The following FRAS1 variants were observed in gnomAD, a reference collection of about 807,000 sequenced individuals.
FRAS1 encodes the protein extracellular matrix organizing protein FRAS1.
In FRAS1, 290 loss-of-function variants were observed where a neutral mutation model predicts 435.2. The ratio of observed to expected loss-of-function variants is 0.67; its 90% CI spans 0.61 to 0.73. FRAS1 has a LOEUF of 0.73. Among genes scored for constraint, FRAS1 ranks in the 30% least tolerant of loss-of-function variants. FRAS1 has a pLI of 0.00. For missense variants in FRAS1, 4,860 were observed against 5,001.5 expected (o/e 0.97, Z 0.85); for synonymous variants, 1,800 against 1,851.0 (o/e 0.97, Z 0.71).
At chr4:78,100,945 G>C (rs1272131343) in intron 2 of FRAS1, among the ~76,000 whole-genome samples, 3 of 152,160 alleles carry the variant, frequency 2.0e-5, no homozygotes, top group African/African-American at 7.2e-5. Context: ...CCTTATGCTA[G>C]TGCAAGTCTA....
chr4:78,335,996 TA>T (rs999795506), intron 19 of FRAS1, among the ~76,000 whole-genome samples: 1 of 151,928 alleles, frequency 6.6e-6, no homozygotes. Context: ...GGCCTGCTGA[TA>T]GGAAAAAGCC....
chr4:78,307,557 G>A (rs1728822267), intron 14 of FRAS1, among the ~76,000 whole-genome samples: 1 of 152,224 alleles, frequency 6.6e-6, no homozygotes, highest in East Asian at 1.9e-4. Flanking sequence ...TAATCTCCTG[G>A]TGCGCCGTTT....
chr4:78,407,420 A>G (rs1358821991), intron 30 of FRAS1, among the ~76,000 whole-genome samples: 2 of 152,228 alleles, frequency 1.3e-5, no homozygotes, highest in Non-Finnish European at 2.9e-5. Context: ...GTAACTTCAT[A>G]CATGAATTGT....
intron 3 of FRAS1, among the ~76,000 whole-genome samples, chr4:78,244,543 A>G (rs1725147246): frequency 6.6e-6 from 1 of 152,148 alleles, no homozygotes; most frequent in South Asian, 2.1e-4. Context: ...AGATAAACAG[A>G]TTATTTACAG....
In FRAS1 at chr4:78,397,433, G is replaced by A. The variant is rs532602549; in HGVS notation, c.3976-3301G>A. 3.9e-5 allele frequency among the ~76,000 whole-genome samples: 6 copies of A among 152,294 alleles called. No individual in the cohort carries two copies. The South Asian group carries it at 8.3e-4, about 21-fold the overall frequency. ...AATTCAGCAGAGTCAGGGGACTGTT[G>A]ATGTGTGTGTTTGCTGTCTGCATGG... is the stretch of plus-strand genomic sequence containing the variant. On this transcript the variant is annotated intron_variant, in intron 29 of 73. Coordinates refer to ENST00000512123, the MANE Select transcript of FRAS1 (RefSeq NM_025074.7).
At chr4:78,290,171 C>T (rs201375282) in intron 14 of FRAS1, among the ~76,000 whole-genome samples, 3 of 151,900 alleles carry the variant, frequency 2.0e-5, no homozygotes, top group African/African-American at 4.8e-5. Flanking sequence ...GTAATTTTAA[C>T]GTAAGGTTAA....
At chr4:78,502,388 A>AT in intron 61 of FRAS1, among the ~76,000 whole-genome samples, 1 of 152,002 alleles carries the variant, frequency 6.6e-6, no homozygotes, top group African/African-American at 2.4e-5. Context: ...GTCCTCCTTT[A>AT]TTTCATTAAA....
chr4:78,123,994 C>T (rs1235292034), intron 2 of FRAS1, among the ~76,000 whole-genome samples: 41 of 152,168 alleles, frequency 2.7e-4, no homozygotes, highest in Admixed American at 2.7e-3. Context: ...ATTGCCCTGG[C>T]CAGAACTTCC....
chr4:78,405,021 C>G (rs1733047311), intron 30 of FRAS1, among the ~76,000 whole-genome samples: 1 of 152,188 alleles, frequency 6.6e-6, no homozygotes, highest in African/African-American at 2.4e-5. Context: ...TTGAATCCCT[C>G]CATTCCTGAA....
intron 15 of FRAS1, among the ~76,000 whole-genome samples, chr4:78,312,841 A>G (rs888322753): frequency 2.1e-4 from 31 of 145,162 alleles, no homozygotes; most frequent in African/African-American, 6.8e-4. Flanking sequence ...GAAAGAAAGA[A>G]AAAGAAAGAA....
chr4:78,301,916 C>T (rs1205296513), intron 14 of FRAS1, among the ~76,000 whole-genome samples: 1 of 132,176 alleles, frequency 7.6e-6, no homozygotes, highest in Non-Finnish European at 1.5e-5. Context: ...TGGTTAGTTA[C>T]ATACGTATAC....
chr4:78,402,401 T>C (rs189306865), intron 30 of FRAS1, among the ~76,000 whole-genome samples: 2 of 152,256 alleles, frequency 1.3e-5, no homozygotes, highest in East Asian at 3.9e-4. Context: ...CGAGAATTGG[T>C]ATTATAATTA....
At chr4:78,371,083 G>GGTTTTTTTTTTTTTTT (rs1456015210) in intron 23 of FRAS1, among the ~76,000 whole-genome samples, 2 of 127,402 alleles carry the variant, frequency 1.6e-5, no homozygotes, top group African/African-American at 6.4e-5. Context: ...TTTTTTTTCT[G>GGTTTTTTTTTTTTTTT]TTTTTTTGTT....
At chr4:78,086,996 C>T (rs566800031) in intron 2 of FRAS1, among the ~76,000 whole-genome samples, 5 of 152,280 alleles carry the variant, frequency 3.3e-5, no homozygotes, top group African/African-American at 9.6e-5. Context: ...GACCAATATC[C>T]GTGATGAACA....
chr4:78,124,968 T>C (rs28822779), intron 2 of FRAS1, among the ~76,000 whole-genome samples: 32,984 of 151,848 alleles, frequency 0.22, 3,940 homozygotes, highest in Admixed American at 0.29. Context: ...TTTTGAAGGG[T>C]TTTTTATGTC....
At chr4:78,362,941 C>A (rs1731132227) in intron 20 of FRAS1, among the ~76,000 whole-genome samples, 1 of 152,128 alleles carries the variant, frequency 6.6e-6, no homozygotes, top group Non-Finnish European at 1.5e-5. Context: ...GGTAAAAAGG[C>A]ATGATTCAGA....
intron 43 of FRAS1, 43 bp from the exon 44 acceptor site, chr4:78,448,010 T>G: frequency 6.7e-7 from 1 of 1,492,736 alleles, no homozygotes; most frequent in East Asian, 2.3e-5. Context: ...TATATATATG[T>G]GTATTCTACC....
intron 29 of FRAS1, among the ~76,000 whole-genome samples, chr4:78,399,528 G>T (rs1042578581): frequency 2.6e-5 from 4 of 152,144 alleles, no homozygotes; most frequent in Admixed American, 1.3e-4. Context: ...TTGGAAGAGG[G>T]TTTGTGCCTT....
intron 18 of FRAS1, among the ~76,000 whole-genome samples, chr4:78,322,283 C>T (rs1729539993): frequency 6.6e-6 from 1 of 152,188 alleles, no homozygotes; most frequent in South Asian, 2.1e-4. Context: ...CCTGGGAGTC[C>T]TATGAGATTG....
Sources: allele counts gnomAD v4.1 joint callset (sites outside exome capture counted in the v4.1 genomes callset), GRCh38; gene constraint gnomAD v4.1.1; transcripts MANE v1.5; gene names NCBI Gene and HGNC (gene_info 2026-07-23, HGNC 2026-07-21).